IKBKB-DT: variants seen among roughly 807,000 people sequenced by gnomAD.
IKBKB-DT encodes IKBKB divergent transcript.
intron 3 of IKBKB-DT, among the ~76,000 whole-genome samples, chr8:42,242,769 C>A (rs759073277): frequency 6.6e-6 from 1 of 152,218 alleles, no homozygotes; most frequent in Admixed American, 6.5e-5. Flanking sequence ...TCTGAGCCTC[C>A]CCCAGTCCCT....
chr8:42,246,358 A>T (rs181801837), intron 3 of IKBKB-DT, among the ~76,000 whole-genome samples: 63 of 139,706 alleles, frequency 4.5e-4, no homozygotes, highest in African/African-American at 1.5e-3. Flanking sequence ...AGTACTAAGT[A>T]AAAAAAAATT....
chr8:42,253,853 C>T (rs570319556), intron 3 of IKBKB-DT, among the ~76,000 whole-genome samples: 10 of 152,324 alleles, frequency 6.6e-5, no homozygotes, highest in Non-Finnish European at 1.0e-4. Context: ...GCAACAGGAC[C>T]TCACATTCTG....
chr8:42,268,187 T>C (rs547940051), intron 1 of IKBKB-DT, among the ~76,000 whole-genome samples: 2 of 148,124 alleles, frequency 1.4e-5, no homozygotes, highest in Non-Finnish European at 3.0e-5. Context: ...CAGGCTGGAG[T>C]GCAATGGCAC....
At chr8:42,257,433 G>T (rs948109234) in intron 3 of IKBKB-DT, among the ~76,000 whole-genome samples, 12 of 152,022 alleles carry the variant, frequency 7.9e-5, no homozygotes, top group African/African-American at 2.7e-4. Flanking sequence ...ACCCGGAGGT[G>T]GAGGTTACAG....
At chr8:42,252,362 C>T (rs114171768) in intron 3 of IKBKB-DT, among the ~76,000 whole-genome samples, 5 of 152,290 alleles carry the variant, frequency 3.3e-5, no homozygotes, top group African/African-American at 1.2e-4. Flanking sequence ...GGAGAGACAG[C>T]TATTCTCTTT....
chr8:42,249,722 A>C (rs1807106789), intron 3 of IKBKB-DT, among the ~76,000 whole-genome samples: 1 of 152,172 alleles, frequency 6.6e-6, no homozygotes, highest in Admixed American at 6.5e-5. Context: ...TCATGGAAGA[A>C]GGATTTTACT....
intron 3 of IKBKB-DT, among the ~76,000 whole-genome samples, chr8:42,256,109 T>C (rs961675521): frequency 1.3e-5 from 2 of 152,110 alleles, no homozygotes; most frequent in African/African-American, 4.8e-5. Flanking sequence ...TAAGAGTTTC[T>C]GAATTCTACA....
At chr8:42,259,994 AC>A (rs1436515833) in intron 3 of IKBKB-DT, among the ~76,000 whole-genome samples, 30 of 150,838 alleles carry the variant, frequency 2.0e-4, no homozygotes, top group African/African-American at 6.9e-4. Context: ...AAAAAAAAAA[AC>A]AAAAAAAAAA....
chr8:42,264,914 G>A (rs1337191186), intron 2 of IKBKB-DT, among the ~76,000 whole-genome samples: 1 of 151,090 alleles, frequency 6.6e-6, no homozygotes, highest in Non-Finnish European at 1.5e-5. Context: ...CCAGGCTGGA[G>A]TGCAATGGCG....
chr8:42,249,824 C>A (rs1471222063), intron 3 of IKBKB-DT, among the ~76,000 whole-genome samples: 1 of 152,082 alleles, frequency 6.6e-6, no homozygotes, highest in Non-Finnish European at 1.5e-5. Flanking sequence ...CACCTGTCAT[C>A]CTGGCACTTT....
chr8:42,244,210 A>G (rs898578366), intron 3 of IKBKB-DT, among the ~76,000 whole-genome samples: 4 of 152,248 alleles, frequency 2.6e-5, no homozygotes, highest in African/African-American at 9.6e-5. Context: ...TGTTTGTCAC[A>G]TGGATCAGGT....
chr8:42,238,613 C>T (rs144493710), intron 3 of IKBKB-DT, among the ~76,000 whole-genome samples: 102 of 152,248 alleles, frequency 6.7e-4, no homozygotes, highest in Admixed American at 1.1e-3. Flanking sequence ...AGCCAGAGGT[C>T]GTTGAGATTT....
intron 1 of IKBKB-DT, among the ~76,000 whole-genome samples, chr8:42,267,323 C>A (rs988679011): frequency 3.3e-5 from 5 of 152,152 alleles, no homozygotes; most frequent in Admixed American, 2.0e-4. Context: ...AACTTGCTTT[C>A]ACTTTACTGA....
At chr8:42,262,703 T>A (rs1423542189) in intron 3 of IKBKB-DT, among the ~76,000 whole-genome samples, 1 of 151,996 alleles carries the variant, frequency 6.6e-6, no homozygotes, top group Non-Finnish European at 1.5e-5. Context: ...CCTCCCAAAG[T>A]GCTGGGATTA....
At chr8:42,271,186 C>G in exon 1 of IKBKB-DT, 1 of 610,018 alleles carries the variant, frequency 1.6e-6, no homozygotes, top group South Asian at 1.8e-5. Context: ...ACCCCCGCCC[C>G]GGGGGAGTCG....
chr8:42,261,345 T>C (rs554993185), intron 3 of IKBKB-DT, among the ~76,000 whole-genome samples: 3 of 152,146 alleles, frequency 2.0e-5, no homozygotes, highest in African/African-American at 7.2e-5. Flanking sequence ...CCAAGAAATA[T>C]ATTTCTTTTG....
chr8:42,238,141 C>T lies in IKBKB-DT; in HGVS notation n.1530-4282G>A, dbSNP rs139192515. ...AATGGGGAGCAGTAACTAGGAATTCCGATCCCTGCCAGCCAGAGAAATGTT... is the reference window on the plus strand; with the variant it reads ...AATGGGGAGCAGTAACTAGGAATTCTGATCCCTGCCAGCCAGAGAAATGTT... On this transcript the variant is annotated intron_variant and non_coding_transcript_variant, in intron 3 of 3. Transcript: ENST00000518213. 1.8e-4 allele frequency among the ~76,000 whole-genome samples: 27 copies of T among 151,798 alleles called. No homozygotes were observed. The East Asian group carries it at 4.1e-3, about 23-fold the overall frequency.
chr8:42,236,388 A>G (rs1455568838), intron 3 of IKBKB-DT, among the ~76,000 whole-genome samples: 1 of 152,192 alleles, frequency 6.6e-6, no homozygotes, highest in Non-Finnish European at 1.5e-5. Flanking sequence ...TCTCAAAGTG[A>G]GGTCTAGGTC....
chr8:42,257,769 C>CT (rs1204970349), intron 3 of IKBKB-DT, among the ~76,000 whole-genome samples: 1 of 151,444 alleles, frequency 6.6e-6, no homozygotes, highest in African/African-American at 2.4e-5. Flanking sequence ...GACCTTATCT[C>CT]TAAAAAAAAA....
Sources: gnomAD v4.1 joint callset for allele counts (sites outside exome capture counted in the v4.1 genomes callset) on GRCh38, gnomAD v4.1.1 for gene constraint, MANE v1.5 for transcripts, NCBI Gene and HGNC (gene_info 2026-07-23, HGNC 2026-07-21) for gene names.